The following CUL9 variants were observed in gnomAD, a reference collection of about 807,000 sequenced individuals.
The protein encoded by CUL9 is cullin-9.
CUL9 carries 79 observed loss-of-function variants against 272.6 expected under a neutral mutation model. The ratio of observed to expected loss-of-function variants is 0.29; its 90% CI spans 0.24 to 0.35. The LOEUF is 0.35. Among genes scored for constraint, CUL9 ranks in the 10% least tolerant of loss-of-function variants. The probability of loss-of-function intolerance (pLI) is 1.00; values close to 1 mark genes in which losing one functional copy is unlikely to be tolerated. For synonymous variants in CUL9, 1,186 were observed against 1,286.5 expected (o/e 0.92, Z 1.67); for missense variants, 2,532 against 3,255.6 (o/e 0.78, Z 5.41).
chr6:43,216,099 G>C (rs1775907952), intron 30 of CUL9, 59 bp from the exon 31 acceptor site: 1 of 1,509,866 alleles, frequency 6.6e-7, no homozygotes, highest in Non-Finnish European at 9.0e-7. Flanking sequence ...GTGGGGTTCA[G>C]TTAGTAGGCT....
rs745535698 is a variant in CUL9 at position 43,222,888 on chromosome 6, T to C, written c.7142T>C (p.Ile2381Thr). The change falls in exon 38 of 41, where the codon ATC (isoleucine) becomes ACC (threonine). Residue 2381 changes from isoleucine (I) to threonine (T), a missense_variant. Physicochemically the swap from Ile to Thr is moderately conservative, Grantham distance 89. Transcript: ENST00000252050. ...NLELHTNALQ[I>T]LLEETLLRCR... ...GAGCTGCACACCAATGCCCTGCAGA[T>C]CCTCCTGGGTGAGCCACCCCTGCCA... 1.2e-6 allele frequency: 2 copies of C among 1,613,316 alleles called. No individual in the cohort carries two copies. Among genetic ancestry groups the C allele is most frequent in the Admixed American group, 3.3e-5 (2 of 59,988 alleles).
Position 43,220,437 on chromosome 6 carries a change from C to T in CUL9, c.6283-22C>T, listed in dbSNP as rs757721375. On this transcript the variant is annotated intron_variant, in intron 31 of 40. Transcript: ENST00000252050. This position sits in a 1 kb window ranked among gnomAD's most constrained non-coding sequence, Gnocchi z 4.9. ...CTGCTCCCACACTGTCTGTGAGCAG[C>T]CCCTCCTTTTGTCCCTCCCAGTCTT... 3 of 1,613,412 alleles carry T rather than the reference C, an allele frequency of 1.9e-6. No homozygotes were observed. The highest frequency in any genetic ancestry group is 2.5e-6 in the Non-Finnish European group (3 of 1,179,572).
Position 43,199,913 on chromosome 6 carries a change from G to C in CUL9, c.3157-16G>C. ...TCTTGTTTCCTGTAAATTAATCTAT[G>C]TGGCTCTGGGCTCAGATTGTTCAGG... On this transcript the variant is annotated splice_polypyrimidine_tract_variant and intron_variant, in intron 13 of 40. Transcript: ENST00000252050. This position sits in a 1 kb window ranked among gnomAD's most constrained non-coding sequence, Gnocchi z 4.4. 3 of 1,596,446 alleles carry C rather than the reference G, an allele frequency of 1.9e-6. No homozygotes were observed. The highest frequency in any genetic ancestry group is 2.6e-6 in the Non-Finnish European group (3 of 1,164,260).
In CUL9 at chr6:43,187,107, AGG is replaced by A; in HGVS notation, c.1387+15_1387+16del. The A allele has an allele frequency of 6.2e-7, 1 of 1,613,634 alleles. No individual in the cohort carries two copies. Among genetic ancestry groups the A allele is most frequent in the Non-Finnish European group, 8.5e-7 (1 of 1,179,740 alleles). On this transcript the variant is annotated intron_variant, in intron 5 of 40. Coordinates refer to ENST00000252050, the MANE Select transcript of CUL9 (RefSeq NM_015089.4). ...TGTGTTGGGCACAGGTGAGCCTAAGAGGGGACATGGATAGCATGTCTCTGAAC... is the reference window on the plus strand; with the variant it reads ...TGTGTTGGGCACAGGTGAGCCTAAGAGGACATGGATAGCATGTCTCTGAAC...
chr6:43,203,737 T>C lies in CUL9; in HGVS notation c.4026-117T>C. 2.0e-6 allele frequency: 3 copies of C among 1,510,826 alleles called. No homozygotes were observed. The highest frequency in any genetic ancestry group is 2.7e-6 in the Non-Finnish European group (3 of 1,121,274). 93.6% of individuals were successfully genotyped at this position (1,510,826 alleles called of 1,614,324 possible). Reference sequence around the variant, plus strand: ...AACGTAGGTGAGAAGTTTGTGTTAATTGGGAAAAGTTGGGTCAGGGACCGA... The same window carrying C: ...AACGTAGGTGAGAAGTTTGTGTTAACTGGGAAAAGTTGGGTCAGGGACCGA... On this transcript the variant is annotated intron_variant, in intron 19 of 40. Transcript: ENST00000252050. This position sits in a 1 kb window ranked among gnomAD's most constrained non-coding sequence, Gnocchi z 5.0.
chr6:43,182,483 C>A (rs537893158), intron 1 of CUL9, among the ~76,000 whole-genome samples: 1 of 151,132 alleles, frequency 6.6e-6, no homozygotes, highest in Admixed American at 6.6e-5. Context: ...CAAGCTTGGG[C>A]TTGACCTTGC....
Position 43,223,649 on chromosome 6 carries a change from A to G in CUL9, c.7284+252A>G. On this transcript the variant is annotated intron_variant, in intron 39 of 40. Transcript: ENST00000252050. The surrounding 1 kb of genome is among the most constrained non-coding windows in gnomAD (Gnocchi z 4.1). Reference sequence around the variant, plus strand: ...TAGCCCACATCAAGGGTATTTGGTCAGGTGCCTATCAGAATCACTTGGGGA... The same window carrying G: ...TAGCCCACATCAAGGGTATTTGGTCGGGTGCCTATCAGAATCACTTGGGGA... The G allele has an allele frequency of 1.8e-6, 1 of 562,838 alleles. No individual in the cohort carries two copies. The highest frequency in any genetic ancestry group is 2.5e-5 in the South Asian group (1 of 40,812). 34.9% of individuals were successfully genotyped at this position (562,838 alleles called of 1,614,324 possible).
In CUL9 at chr6:43,216,197, T is replaced by C; in HGVS notation, c.5976T>C (p.Pro1992=). The C allele has an allele frequency of 6.2e-7, 1 of 1,612,872 alleles. No homozygotes were observed. Among genetic ancestry groups the C allele is most frequent in the Non-Finnish European group, 8.5e-7 (1 of 1,179,012 alleles). Residue 1992 remains proline, a synonymous_variant, in exon 31 of 41, where the codon CCT becomes CCC. Coordinates refer to ENST00000252050, the MANE Select transcript of CUL9 (RefSeq NM_015089.4). The part of the protein sequence containing the change: ...AVATLASLQL[P]AGRTMSPQEV... ...CTACCCTGGCATCTCTACAGCTGCC[T>C]GCAGGCCGCACCATGAGCCCCCAGG...
At chr6:43,211,401 T>TA (rs1190756159) in intron 26 of CUL9, among the ~76,000 whole-genome samples, 1 of 151,908 alleles carries the variant, frequency 6.6e-6, no homozygotes, top group African/African-American at 2.4e-5. Flanking sequence ...CTACTCAAAA[T>TA]ACAAAAATTA....
In CUL9 at chr6:43,187,413, C is replaced by G. The variant is rs1449656507; in HGVS notation, c.1555C>G (p.Gln519Glu). Reference sequence around the variant, plus strand: ...CTTGTGTGAGCAGCAGCCAATTTTCCAGAATCTTTGGAAGAACCTGGATGA... The same window carrying G: ...CTTGTGTGAGCAGCAGCCAATTTTCGAGAATCTTTGGAAGAACCTGGATGA... ...LDLCEQQPIFQNLWKNLDETL... is the reference protein window; with the variant it reads ...LDLCEQQPIFENLWKNLDETL... Residue 519 changes from glutamine (Q) to glutamate (E), a missense_variant, in exon 6 of 41, where the codon CAG becomes GAG. Gln to Glu is a conservative substitution (Grantham distance 29). Around this residue, in one of 3 missense-constraint regions of CUL9, gnomAD observed 2,218 missense variants for 2,788.6 expected, o/e 0.80. Coordinates refer to ENST00000252050, the MANE Select transcript of CUL9 (RefSeq NM_015089.4). The G allele has an allele frequency of 1.2e-6, 2 of 1,614,108 alleles. No individual in the cohort carries two copies. The highest frequency in any genetic ancestry group is 1.1e-5 in the South Asian group (1 of 91,090).
intron 29 of CUL9, among the ~76,000 whole-genome samples, chr6:43,214,870 C>T (rs745873299): frequency 4.6e-5 from 7 of 151,804 alleles, no homozygotes; most frequent in Non-Finnish European, 8.8e-5. Context: ...CTGCCAGACA[C>T]CATGGCTCAT....
In CUL9 at chr6:43,213,351, TC is replaced by T; in HGVS notation, c.5358+59del. On this transcript the variant is annotated intron_variant, in intron 27 of 40. Transcript: ENST00000252050. The surrounding 1 kb of genome is among the most constrained non-coding windows in gnomAD (Gnocchi z 5.7). ...TCTGCTACCTTATCTGTCGCTGTTC[TC>T]CTCCTAAACCCTGTTCCTCCTTCAT... 25 of 1,609,652 alleles carry T rather than the reference TC, an allele frequency of 1.6e-5. No individual in the cohort carries two copies. The highest frequency in any genetic ancestry group is 2.1e-5 in the Non-Finnish European group (25 of 1,177,340).
At chr6:43,190,297 T>C (rs1423733978) in intron 8 of CUL9, among the ~76,000 whole-genome samples, 1 of 143,636 alleles carries the variant, frequency 7.0e-6, no homozygotes, top group Non-Finnish European at 1.5e-5. Flanking sequence ...ACATTTGTTC[T>C]GTTTTTTTTT....
rs748594550 is a variant in CUL9, at chr6:43,200,765, A to G, written c.3578A>G (p.Tyr1193Cys). ...CTGACGGACCACAACCCCAAGACCTACTGGGAGTCCAACGGCAGCACCGGC... is the reference window on the plus strand; with the variant it reads ...CTGACGGACCACAACCCCAAGACCTGCTGGGAGTCCAACGGCAGCACCGGC... ...SKLTDHNPKTYWESNGSTGSH... is the reference protein window; with the variant it reads ...SKLTDHNPKTCWESNGSTGSH... The change falls in exon 16 of 41, where the codon TAC (tyrosine) becomes TGC (cysteine). Residue 1193 changes from tyrosine (Y) to cysteine (C), a missense_variant. Coordinates refer to ENST00000252050, the MANE Select transcript of CUL9 (RefSeq NM_015089.4). The surrounding 1 kb of genome is among the most constrained non-coding windows in gnomAD (Gnocchi z 4.0). The G allele has an allele frequency of 2.5e-6, 4 of 1,614,030 alleles. No individual in the cohort carries two copies. The East Asian group carries it at 8.9e-5, about 36-fold the overall frequency.
In CUL9 at chr6:43,196,473, T is replaced by C. The variant is rs1774005144; in HGVS notation, c.2586-172T>C. On this transcript the variant is annotated intron_variant, in intron 10 of 40. Transcript: ENST00000252050. Reference sequence around the variant, plus strand: ...CAGAGAGGGCAGAGACACACTGACTTCCCTTTATGGGTTTGGGAGGAGTGG... The same window carrying C: ...CAGAGAGGGCAGAGACACACTGACTCCCCTTTATGGGTTTGGGAGGAGTGG... 6 of 784,242 alleles carry C rather than the reference T, an allele frequency of 7.7e-6. No individual in the cohort carries two copies. The East Asian group carries it at 1.5e-4, about 20-fold the overall frequency. The allele number at this position is 784,242 out of a possible 1,614,324, so 48.6% of individuals were successfully genotyped here. A position where few individuals can be genotyped will look rare whatever the true frequency, so the allele number is the denominator to read the frequency against.
At position 43,202,707 on chromosome 6, in the gene CUL9, C is replaced by G; in HGVS notation, c.3648-9C>G. 1 of 1,613,424 alleles carries G rather than the reference C, an allele frequency of 6.2e-7. No homozygotes were observed. The highest frequency in any genetic ancestry group is 8.5e-7 in the Non-Finnish European group (1 of 1,179,380). ...CCCAGCTTTGACTGTTTCCTTTCTT[C>G]TTTCCCAGGCAGCTCACTTTGCTGG... On this transcript the variant is annotated splice_polypyrimidine_tract_variant and intron_variant, in intron 16 of 40. Transcript: ENST00000252050.
At chr6:43,214,176 T>A (rs1178115327) in intron 29 of CUL9, among the ~76,000 whole-genome samples, 1 of 152,228 alleles carries the variant, frequency 6.6e-6, no homozygotes, top group Non-Finnish European at 1.5e-5. Flanking sequence ...TCCTAGCACT[T>A]TGGGAGGCCA....
rs1172098617 is a variant in CUL9, at chr6:43,200,612, T to C, written c.3476-51T>C. 1 of 1,613,464 alleles carries C rather than the reference T, an allele frequency of 6.2e-7. No homozygotes were observed. Among genetic ancestry groups the C allele is most frequent in the Admixed American group, 1.7e-5 (1 of 59,972 alleles). Reference sequence around the variant, plus strand: ...CCTGCTCCTTAGACCTTTTCCTTTTTCCTCTCAACTAACCTAGCTGTGACT... The same window carrying C: ...CCTGCTCCTTAGACCTTTTCCTTTTCCCTCTCAACTAACCTAGCTGTGACT... On this transcript the variant is annotated intron_variant, in intron 15 of 40. Coordinates refer to ENST00000252050, the MANE Select transcript of CUL9 (RefSeq NM_015089.4). This position sits in a 1 kb window ranked among gnomAD's most constrained non-coding sequence, Gnocchi z 4.0.
Position 43,224,023 on chromosome 6 carries a change from G to A in CUL9, c.7285-72G>A, listed in dbSNP as rs577770969. The A allele has an allele frequency of 2.1e-6, 3 of 1,444,994 alleles. No individual in the cohort carries two copies. The highest frequency in any genetic ancestry group is 3.3e-5 in the Admixed American group (2 of 59,826). The allele number at this position is 1,444,994 out of a possible 1,614,324, so 89.5% of individuals were successfully genotyped here. A position where few individuals can be genotyped will look rare whatever the true frequency, so the allele number is the denominator to read the frequency against. ...GGAGCTTGGCCCTCCCAGAGCATCAGTGGAAGGAATGCTGGGTCCAAAGGC... is the reference window on the plus strand; with the variant it reads ...GGAGCTTGGCCCTCCCAGAGCATCAATGGAAGGAATGCTGGGTCCAAAGGC... On this transcript the variant is annotated intron_variant, in intron 39 of 40. Coordinates refer to ENST00000252050, the MANE Select transcript of CUL9 (RefSeq NM_015089.4). The surrounding 1 kb of genome is among the most constrained non-coding windows in gnomAD (Gnocchi z 4.2).
Sources: allele counts gnomAD v4.1 joint callset (sites outside exome capture counted in the v4.1 genomes callset), GRCh38; gene constraint gnomAD v4.1.1; regional missense constraint gnomAD v4.1.1; non-coding constraint Gnocchi (gnomAD v3.1); transcripts MANE v1.5; gene names NCBI Gene and HGNC (gene_info 2026-07-23, HGNC 2026-07-21).